The following FGD6 variants were observed in gnomAD, a reference collection of about 807,000 sequenced individuals.
FGD6 encodes FYVE, RhoGEF and PH domain-containing protein 6.
A neutral mutation model predicts 149.4 loss-of-function variants in FGD6; 90 were observed. The observed-to-expected ratio is 0.60, with a 90% CI of 0.51 to 0.72. The LOEUF (loss-of-function observed/expected upper bound fraction) is 0.72, where lower values mean the gene tolerates loss of function less well. FGD6 is among the 30% of genes least tolerant of loss of function. FGD6 has a pLI of 0.00. For missense variants in FGD6, 1,437 were observed against 1,684.8 expected, an observed-to-expected ratio of 0.85 and a Z score of 2.57; for synonymous variants, 527 against 584.0, an observed-to-expected ratio of 0.90 and a Z score of 1.41.
At chr12:95,086,154 G>A (rs564095727) in intron 18 of FGD6, among the ~76,000 whole-genome samples, 98 of 152,262 alleles carry the variant, frequency 6.4e-4, no homozygotes, top group African/African-American at 2.1e-3. Flanking sequence ...ACGTGTTTGC[G>A]TATGTTTCTT....
At position 95,209,367 on chromosome 12, in the gene FGD6, G is replaced by C. The variant is rs763603660; in HGVS notation, c.1917C>G (p.Phe639Leu). 1.2e-6 allele frequency: 2 copies of C among 1,613,364 alleles called. No individual in the cohort carries two copies. Among genetic ancestry groups the C allele is most frequent in the East Asian group, 2.2e-5 (1 of 44,870 alleles). Reference sequence around the variant, plus strand: ...AAAATTTTTGAAAGTCACTCTTCATGAAACAGATGGACAGTTTCATGCTGA... The same window carrying C: ...AAAATTTTTGAAAGTCACTCTTCATCAAACAGATGGACAGTTTCATGCTGA... ...KLLSMKLSIC[F>L]MKSDFQKFWS... The change falls in exon 2 of 21, where the codon TTC (phenylalanine) becomes TTG (leucine). Residue 639 changes from phenylalanine to leucine, a missense_variant. Around this residue, in one of 2 missense-constraint regions of FGD6, gnomAD observed 1,055 missense variants for 1,146.0 expected, o/e 0.92. Coordinates refer to ENST00000343958, the MANE Select transcript of FGD6 (RefSeq NM_018351.4).
At chr12:95,119,320 A>G (rs1879117120) in intron 8 of FGD6, among the ~76,000 whole-genome samples, 1 of 152,240 alleles carries the variant, frequency 6.6e-6, no homozygotes, top group Non-Finnish European at 1.5e-5. Flanking sequence ...AAAAAATGAA[A>G]AATTTGAAAA....
intron 5 of FGD6, among the ~76,000 whole-genome samples, chr12:95,145,063 A>G (rs894990862): frequency 1.5e-5 from 2 of 136,760 alleles, no homozygotes; most frequent in South Asian, 2.3e-4. Flanking sequence ...ATCTCAGCTC[A>G]CTGCAACCTC....
chr12:95,210,005 C>G lies in FGD6; in HGVS notation c.1279G>C (p.Asp427His). ...SFDKDSNLSSDSTTVDGSSMS... is the reference protein window; with the variant it reads ...SFDKDSNLSSHSTTVDGSSMS... ...CTAGAACCATCTACAGTTGTGCTGT[C>G]AGAACTCAAATTAGAGTCTTTATCA... Residue 427 changes from aspartate (D) to histidine (H), a missense_variant, in exon 2 of 21, where the codon GAC becomes CAC. By Grantham distance (81) the Asp-to-His change is moderately conservative. Around this residue, in one of 2 missense-constraint regions of FGD6, gnomAD observed 1,055 missense variants for 1,146.0 expected, o/e 0.92. Coordinates refer to ENST00000343958, the MANE Select transcript of FGD6 (RefSeq NM_018351.4). The G allele has an allele frequency of 6.2e-7, 1 of 1,613,258 alleles. No homozygotes were observed. The highest frequency in any genetic ancestry group is 8.5e-7 in the Non-Finnish European group (1 of 1,179,744).
chr12:95,114,455 C>CAT (rs1878942978), intron 8 of FGD6, among the ~76,000 whole-genome samples: 1 of 65,238 alleles, frequency 1.5e-5, no homozygotes, highest in African/African-American at 3.4e-5. Flanking sequence ...CACACACACA[C>CAT]ACACACACAC....
intron 9 of FGD6, among the ~76,000 whole-genome samples, chr12:95,110,279 ATTC>A (rs1472525047): frequency 2.0e-5 from 3 of 148,762 alleles, no homozygotes; most frequent in Non-Finnish European, 4.5e-5. Flanking sequence ...CCCGGCCTGT[ATTC>A]TTTCCACATG....
At position 95,180,948 on chromosome 12, in the gene FGD6, C is replaced by A. The variant is rs191536587; in HGVS notation, c.2442-8204G>T. The stretch of plus-strand genomic sequence containing the variant: ...CCTGTTCTTTCCCTTTCTCCCCCAA[C>A]CCCCAGACTTGGAGGTCTGTGTAAA... On this transcript the variant is annotated intron_variant, in intron 2 of 20. Coordinates refer to ENST00000343958, the MANE Select transcript of FGD6 (RefSeq NM_018351.4). Among the ~76,000 whole-genome samples, 18 of 152,046 alleles carry A rather than the reference C, an allele frequency of 1.2e-4. No individual in the cohort carries two copies. The East Asian group carries it at 3.5e-3, about 29-fold the overall frequency.
intron 8 of FGD6, among the ~76,000 whole-genome samples, chr12:95,132,421 C>T (rs1166693026): frequency 6.6e-6 from 1 of 152,124 alleles, no homozygotes; most frequent in Admixed American, 6.6e-5. Context: ...CATATGTAGA[C>T]TTTTTACTAC....
chr12:95,097,847 G>A (rs753135528), intron 14 of FGD6, among the ~76,000 whole-genome samples: 5 of 152,030 alleles, frequency 3.3e-5, no homozygotes, highest in Non-Finnish European at 5.9e-5. Flanking sequence ...ACTGAATTGA[G>A]GTGAAACATG....
intron 2 of FGD6, among the ~76,000 whole-genome samples, chr12:95,197,688 G>A (rs1313623134): frequency 3.3e-5 from 5 of 151,760 alleles, no homozygotes; most frequent in Non-Finnish European, 7.4e-5. Context: ...TGCTTTAGAC[G>A]TCAGAATGTA....
intron 14 of FGD6, among the ~76,000 whole-genome samples, chr12:95,101,680 T>C (rs555946860): frequency 4.7e-5 from 5 of 105,766 alleles, no homozygotes; most frequent in African/African-American, 2.0e-4. Context: ...CTTTGAACTT[T>C]CTTTTTTTTT....
rs199544746 is a variant in FGD6 at position 95,089,703 on chromosome 12, C to A, written c.3851-7G>T. 1.2e-6 allele frequency: 2 copies of A among 1,612,492 alleles called. No homozygotes were observed. The highest frequency in any genetic ancestry group is 1.3e-5 in the African/African-American group (1 of 74,816). On this transcript the variant is annotated splice_polypyrimidine_tract_variant and splice_region_variant and intron_variant, in intron 17 of 20. Coordinates refer to ENST00000343958, the MANE Select transcript of FGD6 (RefSeq NM_018351.4). ...CTAGGGGAGTGCTGGTGATCTAGAA[C>A]AAATCAGGCATGCTTATGTAGGCAA... is the stretch of plus-strand genomic sequence containing the variant.
rs1592830686 is a variant in FGD6 at position 95,100,372 on chromosome 12, T to C, written c.3497+4635A>G. ...AATGACTTTCTCTCATCACTAAAGTTAGTTTGACTCAGCAATGATTGCTCT... is the reference window on the plus strand; with the variant it reads ...AATGACTTTCTCTCATCACTAAAGTCAGTTTGACTCAGCAATGATTGCTCT... On this transcript the variant is annotated intron_variant, in intron 14 of 20. Coordinates refer to ENST00000343958, the MANE Select transcript of FGD6 (RefSeq NM_018351.4). Among the ~76,000 whole-genome samples, 3 of 152,260 alleles carry C rather than the reference T, an allele frequency of 2.0e-5. No individual in the cohort carries two copies. The East Asian group carries it at 5.8e-4, about 29-fold the overall frequency.
At chr12:95,206,710 AAAAAAG>A (rs1350855600) in intron 2 of FGD6, among the ~76,000 whole-genome samples, 2 of 151,822 alleles carry the variant, frequency 1.3e-5, no homozygotes, top group Admixed American at 6.6e-5. Flanking sequence ...AAAAAAAAAA[AAAAAAG>A]AAAAAGAAGT....
chr12:95,195,792 G>A (rs868174671), intron 2 of FGD6, among the ~76,000 whole-genome samples: 41 of 129,866 alleles, frequency 3.2e-4, no homozygotes, highest in Middle Eastern at 3.8e-3. Context: ...GTGGGTGTGG[G>A]TATAAAAGGA....
At chr12:95,192,229 T>C (rs989531332) in intron 2 of FGD6, among the ~76,000 whole-genome samples, 2 of 152,134 alleles carry the variant, frequency 1.3e-5, no homozygotes, top group Non-Finnish European at 2.9e-5. Context: ...GGTGTGCAAC[T>C]GATGAATACA....
chr12:95,204,615 G>A (rs1164373399), intron 2 of FGD6, among the ~76,000 whole-genome samples: 1 of 152,086 alleles, frequency 6.6e-6, no homozygotes, highest in African/African-American at 2.4e-5. Context: ...CCCAGGCCTT[G>A]TAGATTTGCT....
At chr12:95,176,311 T>C (rs1156276181) in intron 2 of FGD6, among the ~76,000 whole-genome samples, 1 of 152,226 alleles carries the variant, frequency 6.6e-6, no homozygotes, top group East Asian at 1.9e-4. Flanking sequence ...TCTGTTTATT[T>C]CCTTCCCACT....
At chr12:95,103,807 AT>A (rs1878523716) in intron 14 of FGD6, among the ~76,000 whole-genome samples, 1 of 152,190 alleles carries the variant, frequency 6.6e-6, no homozygotes, top group Non-Finnish European at 1.5e-5. Context: ...AAAGTGCTTG[AT>A]TACAGGCGTA....
Sources: allele counts gnomAD v4.1 joint callset (sites outside exome capture counted in the v4.1 genomes callset), GRCh38; gene constraint gnomAD v4.1.1; regional missense constraint gnomAD v4.1.1; transcripts MANE v1.5; gene names NCBI Gene and HGNC (gene_info 2026-07-23, HGNC 2026-07-21).